The following PTPRD variants were observed in gnomAD, a reference collection of about 807,000 sequenced individuals.
PTPRD encodes protein tyrosine phosphatase receptor type D.
A neutral mutation model predicts 214.5 loss-of-function variants in PTPRD; 34 were observed. The observed-to-expected ratio is 0.16, with a 90% CI of 0.12 to 0.21. The LOEUF is 0.21. Among genes scored for constraint, PTPRD ranks in the 10% least tolerant of loss-of-function variants. The probability of loss-of-function intolerance (pLI) is 1.00; values close to 1 mark genes in which losing one functional copy is unlikely to be tolerated. For missense variants in PTPRD, 2,545 were observed against 2,398.7 expected (o/e 1.06, Z -1.27); for synonymous variants, 1,128 against 845.7 (o/e 1.33, Z -5.79).
chr9:9,468,710 A>C (rs2094391515), intron 8 of PTPRD, among the ~76,000 whole-genome samples: 1 of 152,148 alleles, frequency 6.6e-6, no homozygotes, highest in Non-Finnish European at 1.5e-5. Flanking sequence ...ATGCATATAT[A>C]TAGTTAGAAA....
chr9:9,974,431 G>T (rs1417277065), intron 4 of PTPRD, among the ~76,000 whole-genome samples: 1 of 152,070 alleles, frequency 6.6e-6, no homozygotes, highest in Non-Finnish European at 1.5e-5. Context: ...GTAAAATATC[G>T]TATTTTGTCC....
intron 12 of PTPRD, among the ~76,000 whole-genome samples, chr9:8,723,538 C>T (rs1295812924): frequency 6.6e-6 from 1 of 152,064 alleles, no homozygotes; most frequent in Non-Finnish European, 1.5e-5. Context: ...CTGGATCTGG[C>T]TTATTGGAGG....
intron 11 of PTPRD, among the ~76,000 whole-genome samples, chr9:8,881,093 G>T (rs1336350373): frequency 6.6e-6 from 1 of 152,102 alleles, no homozygotes; most frequent in Non-Finnish European, 1.5e-5. Flanking sequence ...ATATGCAGCA[G>T]GGATTTTTAA....
At chr9:8,604,433 T>C (rs115915821) in intron 14 of PTPRD, among the ~76,000 whole-genome samples, 1,827 of 152,296 alleles carry the variant, frequency 0.012, 36 homozygotes, top group African/African-American at 0.04. Flanking sequence ...CACAGCATGA[T>C]ATTTTTTGAG....
At chr9:8,527,796 G>C (rs1203345742) in intron 15 of PTPRD, among the ~76,000 whole-genome samples, 1 of 151,938 alleles carries the variant, frequency 6.6e-6, no homozygotes, top group African/African-American at 2.4e-5. Flanking sequence ...AGGAGAAAAG[G>C]GTAAAGAGAG....
At chr9:10,240,726 C>A (rs1215385720) in intron 3 of PTPRD, among the ~76,000 whole-genome samples, 1 of 151,754 alleles carries the variant, frequency 6.6e-6, no homozygotes, top group Non-Finnish European at 1.5e-5. Context: ...TAACCCCTAA[C>A]AAATAACAGC....
chr9:8,899,893 A>C (rs1308784068), intron 11 of PTPRD, among the ~76,000 whole-genome samples: 2 of 152,218 alleles, frequency 1.3e-5, no homozygotes, highest in Admixed American at 1.3e-4. Flanking sequence ...GTATTTGTTA[A>C]AGTTTTTAGA....
intron 11 of PTPRD, among the ~76,000 whole-genome samples, chr9:8,923,843 C>G (rs2154273317): frequency 6.6e-6 from 1 of 152,240 alleles, no homozygotes; most frequent in South Asian, 2.1e-4. Flanking sequence ...TGAAACAATG[C>G]AGTGAGTCAT....
intron 5 of PTPRD, among the ~76,000 whole-genome samples, chr9:9,928,709 A>G (rs1371585168): frequency 1.3e-5 from 2 of 151,822 alleles, no homozygotes; most frequent in Admixed American, 6.6e-5. Context: ...AAAATAAAGA[A>G]CAAACTTAAT....
chr9:8,433,926 A>G (rs10977094), intron 35 of PTPRD, among the ~76,000 whole-genome samples: 14,260 of 152,102 alleles, frequency 0.094, 1,372 homozygotes, highest in African/African-American at 0.24. Flanking sequence ...CAGAGCAACT[A>G]AAAGTCTTGC....
At chr9:9,736,843 T>C (rs905840477) in intron 6 of PTPRD, among the ~76,000 whole-genome samples, 1 of 152,056 alleles carries the variant, frequency 6.6e-6, no homozygotes, top group Non-Finnish European at 1.5e-5. Flanking sequence ...AGTCCTTTGT[T>C]GGTTATATAT....
chr9:10,206,044 A>T (rs1018202656), intron 3 of PTPRD, among the ~76,000 whole-genome samples: 2 of 151,898 alleles, frequency 1.3e-5, no homozygotes, highest in Non-Finnish European at 2.9e-5. Flanking sequence ...AAAAAAAAAA[A>T]AAGTATTAGA....
chr9:10,028,824 G>A (rs112059551), intron 4 of PTPRD, among the ~76,000 whole-genome samples: 25,970 of 152,092 alleles, frequency 0.17, 2,813 homozygotes, highest in South Asian at 0.29. Context: ...AATTCAAGTC[G>A]GCTGCAGACA....
At chr9:9,098,632 T>C (rs2099787069) in intron 10 of PTPRD, among the ~76,000 whole-genome samples, 1 of 152,216 alleles carries the variant, frequency 6.6e-6, no homozygotes, top group Non-Finnish European at 1.5e-5. Flanking sequence ...TTACTAACGA[T>C]GAAAAGAATA....
chr9:9,453,605 T>C (rs561689922), intron 8 of PTPRD, among the ~76,000 whole-genome samples: 1 of 151,804 alleles, frequency 6.6e-6, no homozygotes, highest in African/African-American at 2.4e-5. Flanking sequence ...ATTCCATTTA[T>C]ATTTCAGTCA....
intron 9 of PTPRD, among the ~76,000 whole-genome samples, chr9:9,226,531 A>C (rs2099959587): frequency 6.6e-6 from 1 of 151,892 alleles, no homozygotes. Context: ...GGAGAGGGGT[A>C]ATTGAATAAA....
At chr9:9,070,014 G>C (rs925617179) in intron 10 of PTPRD, among the ~76,000 whole-genome samples, 2 of 152,156 alleles carry the variant, frequency 1.3e-5, no homozygotes, top group Non-Finnish European at 2.9e-5. Flanking sequence ...ACACTTCACT[G>C]GAAAATATTT....
At chr9:10,083,963 T>G (rs1009360047) in intron 3 of PTPRD, among the ~76,000 whole-genome samples, 4 of 151,922 alleles carry the variant, frequency 2.6e-5, no homozygotes, top group African/African-American at 7.2e-5. Context: ...GACACCTGAA[T>G]AGAGAACTAG....
rs73425773 is a variant in PTPRD at position 8,945,164 on chromosome 9, G to A, written c.-104+73533C>T. ...AAATTTTAAGGTTGAACTCTGGATCGGTTTGTGTTACTGTAATCTCTCTTG... is the reference window on the plus strand; with the variant it reads ...AAATTTTAAGGTTGAACTCTGGATCAGTTTGTGTTACTGTAATCTCTCTTG... On this transcript the variant is annotated intron_variant, in intron 11 of 45. Coordinates refer to ENST00000381196, the MANE Select transcript of PTPRD (RefSeq NM_002839.4). Among the ~76,000 whole-genome samples, 866 of 151,254 alleles carry A rather than the reference G, an allele frequency of 5.7e-3. 5 individuals are homozygous for A. The highest frequency in any genetic ancestry group is 0.02 in the African/African-American group (828 of 41,264).
Sources: gnomAD v4.1 joint callset for allele counts (sites outside exome capture counted in the v4.1 genomes callset) on GRCh38, gnomAD v4.1.1 for gene constraint, MANE v1.5 for transcripts, NCBI Gene and HGNC (gene_info 2026-07-23, HGNC 2026-07-21) for gene names.